AGAP4: variants seen among roughly 807,000 people sequenced by gnomAD.
AGAP4 encodes ArfGAP with GTPase domain, ankyrin repeat and PH domain 4.
In AGAP4, 13 loss-of-function variants were observed where a neutral mutation model predicts 60.7. That is an observed-to-expected ratio of 0.21 (90% CI 0.14 to 0.34). AGAP4 has a LOEUF of 0.34. AGAP4 is among the 10% of genes least tolerant of loss of function. The pLI, the probability that AGAP4 is intolerant of heterozygous loss-of-function variation, is 1.00. For missense variants in AGAP4, 169 were observed against 884.0 expected (o/e 0.19, Z 10.26); for synonymous variants, 70 against 339.0 (o/e 0.21, Z 8.72).
In AGAP4 at chr10:45,825,969, G is replaced by A. The variant is rs1338700637; in HGVS notation, c.2007C>T (p.Ser669=). ...GCAGAAGCACGTTGATGCACTCCTG[G>A]CTGGAGGCCTGCCGGGCGTAGGTCA... ...TALTYARQAS[S]QECINVLLQY... is the part of the protein sequence containing the mutation. Residue 669 remains serine (S), a synonymous_variant, in exon 8 of 8, where the codon AGC becomes AGT. Transcript: ENST00000616763. The A allele has an allele frequency of 2.2e-6, 3 of 1,362,416 alleles. 1 individual carries two copies. The highest frequency in any genetic ancestry group is 3.0e-6 in the Non-Finnish European group (3 of 997,106). The allele number at this position is 1,362,416 out of a possible 1,614,324, so 84.4% of individuals were successfully genotyped here. A position where few individuals can be genotyped will look rare whatever the true frequency, so the allele number is the denominator to read the frequency against.
chr10:45,846,925 A>G (rs1250979708), intron 1 of AGAP4, among the ~76,000 whole-genome samples, 170 bp from the exon 2 acceptor site: 1 of 151,502 alleles, frequency 6.6e-6, no homozygotes, highest in Non-Finnish European at 1.5e-5. Context: ...GGGGAGGCGA[A>G]AAGAAACTGA....
At chr10:45,831,907 TG>T (rs1405752487) in intron 5 of AGAP4, among the ~76,000 whole-genome samples, 2 of 148,130 alleles carry the variant, frequency 1.4e-5, no homozygotes, top group Non-Finnish European at 3.0e-5. Flanking sequence ...GCCCAGATAA[TG>T]TTTTTTTGGG....
Position 45,853,814 on chromosome 10 carries a change from G to T in AGAP4, n.62C>A, listed in dbSNP as rs1183158171. On this transcript the variant is annotated non_coding_transcript_exon_variant, in exon 1 of 10. Transcript: ENST00000430779. ...CTTAGACAAGATCTTGTCTTTGCTG[G>T]TTTTATGATCCTCTGCAGATGGGTC... is the stretch of plus-strand genomic sequence containing the variant. The T allele has an allele frequency of 3.9e-6, 5 of 1,286,352 alleles. No individual in the cohort carries two copies. In the East Asian group the frequency reaches 1.7e-4, roughly 43 times the overall value. The allele number at this position is 1,286,352 out of a possible 1,614,324, so 79.7% of individuals were successfully genotyped here.
chr10:45,834,883 C>G (rs1475777732), intron 4 of AGAP4, among the ~76,000 whole-genome samples: 1 of 146,516 alleles, frequency 6.8e-6, no homozygotes, highest in Non-Finnish European at 1.5e-5. Context: ...ACGCCATTCT[C>G]CTGACTCAGC....
At chr10:45,845,634 G>A (rs1489855011) in intron 2 of AGAP4, among the ~76,000 whole-genome samples, 2 of 109,574 alleles carry the variant, frequency 1.8e-5, no homozygotes, top group Non-Finnish European at 3.9e-5. Context: ...ACGGAGTCTC[G>A]CTCTGTCACC....
upstream of AGAP4, among the ~76,000 whole-genome samples, chr10:45,851,813 C>T (rs1294700666): frequency 1.6e-4 from 25 of 151,834 alleles, no homozygotes; most frequent in African/African-American, 5.3e-4. Context: ...CTTTGGACTC[C>T]TACAAAAGCA....
intron 5 of AGAP4, among the ~76,000 whole-genome samples, chr10:45,832,928 T>TA (rs1333856768): frequency 1.4e-5 from 2 of 147,844 alleles, no homozygotes; most frequent in Non-Finnish European, 3.0e-5. Flanking sequence ...AAACTTACTA[T>TA]ACTCTCAAAA....
At chr10:45,852,223 A>T (rs1554900487), upstream of AGAP4, among the ~76,000 whole-genome samples, 1 of 83,144 alleles carries the variant, frequency 1.2e-5, no homozygotes, top group South Asian at 9.9e-4. Context: ...ACTTTAAAAA[A>T]AAAAAAAAAA....
rs1378843575 is a variant in AGAP4, at chr10:45,841,717, T to G, written c.362-30A>C. ...GAATAAAAAAAAAAAAACTGGTCAC[T>G]TCTGATACAAATACCATAAAATAAA... is the stretch of plus-strand genomic sequence containing the variant. On this transcript the variant is annotated intron_variant, in intron 3 of 7. Transcript: ENST00000616763. The G allele has an allele frequency of 4.7e-6, 3 of 641,670 alleles. No individual in the cohort carries two copies. In the African/African-American group the frequency reaches 5.5e-5, roughly 12 times the overall value. The allele number at this position is 641,670 out of a possible 1,614,324, so 39.7% of individuals were successfully genotyped here.
chr10:45,837,646 T>A (rs1470375485), intron 4 of AGAP4, among the ~76,000 whole-genome samples: 2 of 151,842 alleles, frequency 1.3e-5, no homozygotes, highest in Non-Finnish European at 2.9e-5. Context: ...CAAATGGTGC[T>A]GGGATAATTG....
intron 1 of AGAP4, chr10:45,853,535 G>T: frequency 8.6e-7 from 1 of 1,169,536 alleles, no homozygotes; most frequent in Non-Finnish European, 1.1e-6. Context: ...AAATACATAT[G>T]CTCAGATTTA....
In AGAP4 at chr10:45,826,281, C is replaced by G; in HGVS notation, c.1695G>C (p.Arg565=). 6.2e-7 allele frequency: 1 copy of G among 1,605,426 alleles called. No homozygotes were observed. The highest frequency in any genetic ancestry group is 8.5e-7 in the Non-Finnish European group (1 of 1,175,696). The change falls in exon 8 of 8, where the codon CGG becomes CGC. Residue 565 remains arginine (R), a synonymous_variant. Coordinates refer to ENST00000616763, the MANE Select transcript of AGAP4 (RefSeq NM_001276343.3). ...TCTCCTCATATTTGGAACGGATCCA[C>G]CGTTCCTTCTCTTCCCTCGTGGACT... ...SEKSTREEKE[R]WIRSKYEEKL... is the part of the protein sequence containing the mutation.
chr10:45,831,837 T>C (rs1414015283), intron 5 of AGAP4, among the ~76,000 whole-genome samples: 1 of 138,456 alleles, frequency 7.2e-6, no homozygotes, highest in Non-Finnish European at 1.6e-5. Context: ...CCACCCAGGT[T>C]CAAGCGATTC....
At chr10:45,847,995 T>G (rs1467441055), upstream of AGAP4, 21 of 1,015,638 alleles carry the variant, frequency 2.1e-5, no homozygotes, top group Non-Finnish European at 2.4e-5. Flanking sequence ...GAAGCCATCT[T>G]CCTCTATGAG....
rs1387365030 is a variant in AGAP4 at position 45,844,041 on chromosome 10, A to C, written c.361+285T>G. Among the ~76,000 whole-genome samples the C allele has an allele frequency of 2.8e-3, 427 of 150,634 alleles. 5 individuals are homozygous for C. Among genetic ancestry groups the C allele is most frequent in the Non-Finnish European group, 5.4e-3 (367 of 68,032 alleles). ...AAGATGAATCCATTAATTATAAATA[A>C]AGATAAATCCAAGAATTATAAAGAG... On this transcript the variant is annotated intron_variant, in intron 3 of 7. Coordinates refer to ENST00000616763, the MANE Select transcript of AGAP4 (RefSeq NM_001276343.3).
chr10:45,836,906 C>T (rs2058827160), intron 4 of AGAP4, among the ~76,000 whole-genome samples: 1 of 148,856 alleles, frequency 6.7e-6, no homozygotes, highest in African/African-American at 2.5e-5. Context: ...GCTCTGTTGC[C>T]CAGGCTGGAA....
intron 4 of AGAP4, among the ~76,000 whole-genome samples, chr10:45,836,234 G>T (rs2058815845): frequency 6.6e-6 from 1 of 151,434 alleles, no homozygotes; most frequent in South Asian, 2.1e-4. Flanking sequence ...TTTTATTTTA[G>T]TTTAGTTTAG....
intron 4 of AGAP4, among the ~76,000 whole-genome samples, chr10:45,839,715 C>A (rs1459824846): frequency 8.7e-6 from 1 of 114,398 alleles, no homozygotes; most frequent in Non-Finnish European, 1.9e-5. Context: ...TAACAGAAAT[C>A]CTGCTTCCAA....
intron 5 of AGAP4, among the ~76,000 whole-genome samples, chr10:45,832,005 G>A (rs1390848215): frequency 7.2e-6 from 1 of 138,912 alleles, no homozygotes; most frequent in African/African-American, 2.6e-5. Flanking sequence ...TGCCTCCCAG[G>A]TTCAAGAGAT....
Sources: gnomAD v4.1 joint callset for allele counts (sites outside exome capture counted in the v4.1 genomes callset) on GRCh38, gnomAD v4.1.1 for gene constraint, MANE v1.5 for transcripts, NCBI Gene and HGNC (gene_info 2026-07-23, HGNC 2026-07-21) for gene names.